Variants in TNIK observed in about 807,000 individuals in gnomAD.
The protein encoded by TNIK is TRAF2 and NCK-interacting protein kinase.
In TNIK, 49 loss-of-function variants were observed where a neutral mutation model predicts 191.3. The observed-to-expected ratio is 0.26, with a 90% confidence interval of 0.20 to 0.32. TNIK has a LOEUF of 0.32. TNIK is among the 10% of genes least tolerant of loss of function. The probability of loss-of-function intolerance (pLI) is 1.00; values close to 1 mark genes in which losing one functional copy is unlikely to be tolerated. For synonymous variants in TNIK, 594 were observed against 600.9 expected (o/e 0.99, Z 0.17); for missense variants, 1,155 against 1,702.3 (o/e 0.68, Z 5.66).
At chr3:171,234,555 G>A (rs1744039092) in intron 2 of TNIK, among the ~76,000 whole-genome samples, 1 of 152,164 alleles carries the variant, frequency 6.6e-6, no homozygotes. Context: ...GTTCAGGGGT[G>A]GGCCAACTGA....
rs1267742422 is a variant in TNIK at position 171,188,840 on chromosome 3, AG to A, written c.509-9del. Reference sequence around the variant, plus strand: ...CACTGACTCCAAAGTCCACTATTTAAGAAAAGACAAGTAAATAAAGTCTGTG... The same window carrying A: ...CACTGACTCCAAAGTCCACTATTTAAAAAAGACAAGTAAATAAAGTCTGTG... On this transcript the variant is annotated splice_polypyrimidine_tract_variant and intron_variant, in intron 6 of 32. Transcript: ENST00000436636. The A allele has an allele frequency of 1.2e-6, 2 of 1,612,488 alleles. No homozygotes were observed. Among genetic ancestry groups the A allele is most frequent in the South Asian group, 1.1e-5 (1 of 90,872 alleles).
chr3:171,101,776 CT>C (rs2108453422), intron 21 of TNIK, 143 bp from the exon 22 acceptor site: 1 of 749,010 alleles, frequency 1.3e-6, no homozygotes, highest in East Asian at 2.8e-5. Flanking sequence ...CTGCATGGAA[CT>C]AAGAAAATGA....
chr3:171,262,042 C>T (rs1419475695), intron 2 of TNIK, among the ~76,000 whole-genome samples: 1 of 152,108 alleles, frequency 6.6e-6, no homozygotes, highest in Non-Finnish European at 1.5e-5. Context: ...AGTGGTTAGC[C>T]ACTCTGGGGG....
Position 171,108,011 on chromosome 3 carries a change from G to A in TNIK, c.2382+54C>T, listed in dbSNP as rs2291899. 8,788 of 1,532,498 alleles carry A rather than the reference G, an allele frequency of 5.7e-3. 202 individuals are homozygous for A. Among genetic ancestry groups the A allele is most frequent in the African/African-American group, 0.047 (3,398 of 72,694 alleles). 94.9% of individuals were successfully genotyped at this position (1,532,498 alleles called of 1,614,324 possible). A position where few individuals can be genotyped will look rare whatever the true frequency, so the allele number is the denominator to read the frequency against. On this transcript the variant is annotated intron_variant, in intron 20 of 32. Transcript: ENST00000436636. ...AGTGTATCCCCAACTACTTAATCCT[G>A]TGGGTTCTCTGGTAAATTAAGAGTT...
chr3:171,459,565 A>C (rs1416351508), intron 1 of TNIK, among the ~76,000 whole-genome samples: 1 of 152,064 alleles, frequency 6.6e-6, no homozygotes, highest in Non-Finnish European at 1.5e-5. Flanking sequence ...GTCATCTTGC[A>C]GGTAGCTGGA....
chr3:171,141,416 G>T (rs1277784573), intron 12 of TNIK, among the ~76,000 whole-genome samples: 3 of 152,182 alleles, frequency 2.0e-5, no homozygotes, highest in African/African-American at 7.2e-5. Flanking sequence ...GAAGCCAGAG[G>T]AATGATAGAA....
intron 15 of TNIK, among the ~76,000 whole-genome samples, chr3:171,136,027 G>T (rs1406430320): frequency 3.3e-5 from 5 of 152,232 alleles, no homozygotes; most frequent in Non-Finnish European, 7.3e-5. Context: ...ATCACAAGGT[G>T]CTGGGTAGAG....
chr3:171,120,407 G>A (rs776592391), intron 18 of TNIK, among the ~76,000 whole-genome samples: 2 of 145,350 alleles, frequency 1.4e-5, no homozygotes, highest in Non-Finnish European at 1.5e-5. Context: ...TGCAAGCTCC[G>A]CTTCCCGGAT....
intron 2 of TNIK, among the ~76,000 whole-genome samples, 179 bp from the exon 3 acceptor site, chr3:171,228,400 C>T (rs910263676): frequency 6.6e-6 from 1 of 152,110 alleles, no homozygotes; most frequent in Non-Finnish European, 1.5e-5. Context: ...AAAACGTCCC[C>T]AGTCACTTTG....
intron 28 of TNIK, among the ~76,000 whole-genome samples, chr3:171,078,063 G>C (rs1292517034): frequency 9.2e-5 from 14 of 152,088 alleles, no homozygotes; most frequent in Admixed American, 8.5e-4. Flanking sequence ...TAAACTGTTT[G>C]TTATTTATTT....
intron 16 of TNIK, among the ~76,000 whole-genome samples, chr3:171,127,310 A>G (rs1248791257): frequency 1.3e-5 from 2 of 152,216 alleles, no homozygotes; most frequent in African/African-American, 2.4e-5. Flanking sequence ...TTCAACCAGA[A>G]TAGAACCTAC....
intron 1 of TNIK, among the ~76,000 whole-genome samples, chr3:171,408,375 AT>A (rs1282687865): frequency 7.8e-4 from 119 of 152,328 alleles, no homozygotes; most frequent in African/African-American, 2.7e-3. Flanking sequence ...CCGGTGGCTC[AT>A]TTAGCCATGA....
intron 1 of TNIK, among the ~76,000 whole-genome samples, chr3:171,403,624 A>G (rs953941454): frequency 5.1e-5 from 6 of 117,452 alleles, no homozygotes; most frequent in East Asian, 1.9e-4. Context: ...AAAAAAAAAA[A>G]AAAAAAAAAG....
At chr3:171,169,531 G>C (rs534993297) in intron 9 of TNIK, among the ~76,000 whole-genome samples, 22 of 152,280 alleles carry the variant, frequency 1.4e-4, no homozygotes, top group African/African-American at 5.3e-4. Context: ...GCCTCCCAAA[G>C]TGCTGGTATT....
At chr3:171,172,533 A>G (rs114816439) in intron 9 of TNIK, among the ~76,000 whole-genome samples, 1,840 of 152,328 alleles carry the variant, frequency 0.012, 37 homozygotes, top group African/African-American at 0.042. Flanking sequence ...AATACTCTGA[A>G]GTGTTTAAAT....
chr3:171,275,087 C>G (rs1254707998), intron 2 of TNIK, among the ~76,000 whole-genome samples: 1 of 152,146 alleles, frequency 6.6e-6, no homozygotes, highest in Admixed American at 6.5e-5. Flanking sequence ...TCCCTCTCCT[C>G]CTCTCCATCA....
At chr3:171,270,667 G>A (rs1473280277) in intron 2 of TNIK, among the ~76,000 whole-genome samples, 1 of 152,022 alleles carries the variant, frequency 6.6e-6, no homozygotes, top group Non-Finnish European at 1.5e-5. Flanking sequence ...TCTCACCCCT[G>A]CCTACTGCCC....
intron 32 of TNIK, among the ~76,000 whole-genome samples, chr3:171,065,782 T>G (rs1219018254): frequency 6.6e-6 from 1 of 152,202 alleles, no homozygotes; most frequent in Non-Finnish European, 1.5e-5. Context: ...TGTTTTGGAT[T>G]TAAAGGTGAA....
chr3:171,293,662 T>G (rs545506985), intron 2 of TNIK, among the ~76,000 whole-genome samples: 6 of 152,332 alleles, frequency 3.9e-5, no homozygotes, highest in African/African-American at 1.4e-4. Context: ...TGAATAACAT[T>G]TTTTTTCCAC....
Sources: allele counts gnomAD v4.1 joint callset (sites outside exome capture counted in the v4.1 genomes callset), GRCh38; gene constraint gnomAD v4.1.1; transcripts MANE v1.5; gene names NCBI Gene and HGNC (gene_info 2026-07-23, HGNC 2026-07-21).